NBAS: variants seen among roughly 807,000 people sequenced by gnomAD.
NBAS encodes NAG/BC035112 fusion.
In NBAS, 219 loss-of-function variants were observed where a neutral mutation model predicts 302.5. The observed-to-expected ratio is 0.72, with a 90% confidence interval of 0.65 to 0.81. The LOEUF is 0.81. Ranked by LOEUF, NBAS falls within the 30% of genes least tolerant of loss-of-function variation. The pLI is 0.00. For synonymous variants in NBAS, 1,118 were observed against 1,021.6 expected, an observed-to-expected ratio of 1.09 and a Z score of -1.80; for missense variants, 2,932 against 2,841.6, an observed-to-expected ratio of 1.03 and a Z score of -0.72.
At chr2:14,911,869 A>G in the NBAS span, among the ~76,000 whole-genome samples, 6 of 152,200 alleles carry the variant, frequency 3.9e-5, no homozygotes, top group African/African-American at 1.2e-4. Flanking sequence ...ACTACCTAAC[A>G]TATAGGATTG....
chr2:14,807,415 A>G, the NBAS span, among the ~76,000 whole-genome samples: 11 of 151,502 alleles, frequency 7.3e-5, no homozygotes. Flanking sequence ...AGCTCTTTAC[A>G]TTCTCTTAAA....
At chr2:15,469,982 A>G in intron 16 of NBAS, among the ~76,000 whole-genome samples, 1 of 152,032 alleles carries the variant, frequency 6.6e-6, no homozygotes, top group Non-Finnish European at 1.5e-5. Flanking sequence ...AACTTAAAGT[A>G]AAATAATAAT....
intron 38 of NBAS, among the ~76,000 whole-genome samples, chr2:15,321,265 A>G (rs1671792141): frequency 6.6e-6 from 1 of 152,216 alleles, no homozygotes; most frequent in Admixed American, 6.5e-5. Flanking sequence ...TAAAGACTTA[A>G]ATGTTAGACC....
At chr2:15,379,521 G>A in intron 30 of NBAS, 81 bp downstream of exon 30, 1 of 1,355,698 alleles carries the variant, frequency 7.4e-7, no homozygotes, top group South Asian at 1.2e-5. Context: ...TAATATATTT[G>A]GTAAAGAAAA....
chr2:14,995,943 C>G, the NBAS span, among the ~76,000 whole-genome samples: 1 of 152,118 alleles, frequency 6.6e-6, no homozygotes, highest in Non-Finnish European at 1.5e-5. Flanking sequence ...TCATGCTCCC[C>G]TCTTCCCCCC....
At chr2:15,492,570 C>T (rs922677250) in intron 11 of NBAS, among the ~76,000 whole-genome samples, 5 of 152,170 alleles carry the variant, frequency 3.3e-5, no homozygotes, top group African/African-American at 7.2e-5. Flanking sequence ...GATCCTCCCA[C>T]TTCAGCCTCC....
chr2:15,312,548 A>G (rs1260295590), intron 38 of NBAS, among the ~76,000 whole-genome samples: 2 of 152,260 alleles, frequency 1.3e-5, no homozygotes, highest in East Asian at 1.9e-4. Flanking sequence ...AAGTGCTGGT[A>G]TTACAGGCAT....
intron 6 of NBAS, among the ~76,000 whole-genome samples, chr2:15,540,360 C>T (rs1163057942): frequency 6.6e-6 from 1 of 152,042 alleles, no homozygotes; most frequent in African/African-American, 2.4e-5. Context: ...GTATGGCCTT[C>T]TTTTGATGCC....
chr2:15,106,808 G>A, the NBAS span, among the ~76,000 whole-genome samples: 2 of 152,034 alleles, frequency 1.3e-5, no homozygotes, highest in African/African-American at 4.8e-5. Flanking sequence ...TAGTGATAGA[G>A]GGAGGTAATA....
the NBAS span, among the ~76,000 whole-genome samples, chr2:15,144,602 C>T: frequency 6.6e-6 from 1 of 152,152 alleles, no homozygotes; most frequent in Non-Finnish European, 1.5e-5. Context: ...TGAGTGGCCA[C>T]ATTGCTGGCC....
chr2:14,896,412 C>T, the NBAS span, among the ~76,000 whole-genome samples: 6 of 152,130 alleles, frequency 3.9e-5, no homozygotes, highest in African/African-American at 9.7e-5. Flanking sequence ...CTGTTTCTCA[C>T]AGCAATTTAA....
At chr2:15,239,067 G>T (rs1421001183) in intron 44 of NBAS, among the ~76,000 whole-genome samples, 1 of 151,936 alleles carries the variant, frequency 6.6e-6, no homozygotes, top group Admixed American at 6.6e-5. Context: ...ATTTTAACTG[G>T]AATAAGACTA....
the NBAS span, among the ~76,000 whole-genome samples, chr2:14,865,197 G>A: frequency 6.6e-6 from 1 of 152,238 alleles, no homozygotes; most frequent in East Asian, 1.9e-4. Context: ...AGGTGGTGGG[G>A]TGAGTGGGGG....
intron 12 of NBAS, among the ~76,000 whole-genome samples, chr2:15,486,656 A>G (rs1021484742): frequency 1.3e-5 from 2 of 152,028 alleles, no homozygotes; most frequent in African/African-American, 2.4e-5. Context: ...TTCCTGTCCC[A>G]TTACTTTTCT....
At chr2:15,119,347 C>T in the NBAS span, among the ~76,000 whole-genome samples, 4 of 136,104 alleles carry the variant, frequency 2.9e-5, no homozygotes, top group Admixed American at 8.2e-5. Flanking sequence ...CTTGCACTGT[C>T]GCCCAGGCCA....
the NBAS span, among the ~76,000 whole-genome samples, chr2:14,894,787 G>A: frequency 1.3e-5 from 2 of 152,080 alleles, no homozygotes; most frequent in Non-Finnish European, 1.5e-5. Flanking sequence ...GGCCGGGCAC[G>A]GTGGCTCATG....
At chr2:14,915,306 G>A in the NBAS span, among the ~76,000 whole-genome samples, 1 of 152,190 alleles carries the variant, frequency 6.6e-6, no homozygotes, top group South Asian at 2.1e-4. Context: ...TATGGCTAAT[G>A]GTTAAAGGCT....
chr2:15,100,474 G>A, the NBAS span, among the ~76,000 whole-genome samples: 1 of 152,068 alleles, frequency 6.6e-6, no homozygotes, highest in Non-Finnish European at 1.5e-5. Flanking sequence ...ACAGGAAAAG[G>A]GAAATTTAAA....
chr2:15,234,441 C>T, intron 46 of NBAS, 104 bp downstream of exon 46: 2 of 1,175,818 alleles, frequency 1.7e-6, no homozygotes, highest in Non-Finnish European at 2.5e-6. Flanking sequence ...TTTGTAAAGT[C>T]CTTCAAAACT....
Sources: allele counts gnomAD v4.1 joint callset (sites outside exome capture counted in the v4.1 genomes callset), GRCh38; gene constraint gnomAD v4.1.1; transcripts MANE v1.5; gene names NCBI Gene and HGNC (gene_info 2026-07-23, HGNC 2026-07-21).